The following NLK variants were observed in gnomAD, a reference collection of about 807,000 sequenced individuals.
The protein encoded by NLK is nemo like kinase, also known as serine/threonine-protein kinase NLK.
Under a neutral mutation model 59.0 loss-of-function variants are expected in NLK, and 11 were observed. That is an observed-to-expected ratio of 0.19 (90% CI 0.12 to 0.31). NLK has a LOEUF of 0.31. Ranked by LOEUF, NLK falls within the 10% of genes least tolerant of loss-of-function variation. The probability of loss-of-function intolerance (pLI) is 1.00; values close to 1 mark genes in which losing one functional copy is unlikely to be tolerated. For synonymous variants in NLK, 235 were observed against 235.9 expected (o/e 1.00, Z 0.03); for missense variants, 410 against 661.1 (o/e 0.62, Z 4.16).
chr17:28,091,477 A>T (rs921077908), intron 1 of NLK, among the ~76,000 whole-genome samples: 15 of 144,262 alleles, frequency 1.0e-4, no homozygotes, highest in African/African-American at 1.9e-4. Context: ...AATTATATTT[A>T]TATATATATA....
At chr17:28,190,764 G>A (rs902327701) in intron 8 of NLK, among the ~76,000 whole-genome samples, 1 of 152,086 alleles carries the variant, frequency 6.6e-6, no homozygotes, top group Non-Finnish European at 1.5e-5. Context: ...TTTCAATGTA[G>A]TAACTTCTTA....
At chr17:28,160,687 A>G (rs1014952146) in intron 3 of NLK, among the ~76,000 whole-genome samples, 5 of 152,208 alleles carry the variant, frequency 3.3e-5, no homozygotes, top group African/African-American at 4.8e-5. Flanking sequence ...ATTATTTTAC[A>G]TGTGTTTAGG....
At chr17:28,189,552 C>T (rs1046660762) in intron 8 of NLK, among the ~76,000 whole-genome samples, 1 of 152,030 alleles carries the variant, frequency 6.6e-6, no homozygotes, top group African/African-American at 2.4e-5. Flanking sequence ...AAGGATAAAC[C>T]GTTGAAGTTC....
chr17:28,194,579 C>A lies in NLK; in HGVS notation c.1530-3C>A. 6.3e-7 allele frequency: 1 copy of A among 1,593,278 alleles called. No individual in the cohort carries two copies. The highest frequency in any genetic ancestry group is 8.6e-7 in the Non-Finnish European group (1 of 1,164,182). On this transcript the variant is annotated splice_polypyrimidine_tract_variant and splice_region_variant and intron_variant, in intron 10 of 10. Transcript: ENST00000407008. ...TAATTTCTCCATCTCTGTTTTCTTC[C>A]AGTTCCACTGTTGCTCAGCCATCTG...
chr17:28,141,782 C>G (rs1207311608), intron 3 of NLK, among the ~76,000 whole-genome samples: 1 of 152,118 alleles, frequency 6.6e-6, no homozygotes, highest in Non-Finnish European at 1.5e-5. Flanking sequence ...GAAGAATTTG[C>G]CCTTTCTCTT....
chr17:28,090,520 T>G (rs562629961), intron 1 of NLK, among the ~76,000 whole-genome samples: 3 of 152,070 alleles, frequency 2.0e-5, no homozygotes, highest in African/African-American at 7.2e-5. Context: ...TTATTTTAAT[T>G]TTTTTTTAAT....
At chr17:28,110,990 G>A (rs1357908925) in intron 1 of NLK, among the ~76,000 whole-genome samples, 1 of 150,280 alleles carries the variant, frequency 6.7e-6, no homozygotes, top group Non-Finnish European at 1.5e-5. Flanking sequence ...GACTACAGGC[G>A]CCCGCCACTA....
intron 3 of NLK, among the ~76,000 whole-genome samples, chr17:28,139,795 G>A (rs1906910491): frequency 6.6e-6 from 1 of 152,134 alleles, no homozygotes; most frequent in South Asian, 2.1e-4. Flanking sequence ...AGTCCAATGG[G>A]CCAGGAGTGC....
At chr17:28,202,643 G>A in the NLK span, among the ~76,000 whole-genome samples, 2 of 151,538 alleles carry the variant, frequency 1.3e-5, no homozygotes, top group African/African-American at 4.9e-5. Flanking sequence ...CTATTTTCTG[G>A]AAGAGATTGT....
At chr17:28,057,299 G>A (rs1020052619) in intron 1 of NLK, among the ~76,000 whole-genome samples, 2 of 152,112 alleles carry the variant, frequency 1.3e-5, no homozygotes, top group African/African-American at 4.8e-5. Context: ...TGCGGAGGTT[G>A]GGTTATGATT....
downstream of NLK, among the ~76,000 whole-genome samples, chr17:28,200,935 T>A (rs1483448739): frequency 1.8e-4 from 28 of 152,234 alleles, no homozygotes; most frequent in Admixed American, 1.8e-3. Flanking sequence ...CCACAAGAGG[T>A]CTGATGATTC....
At chr17:28,072,966 T>G (rs964899585) in intron 1 of NLK, among the ~76,000 whole-genome samples, 2 of 152,160 alleles carry the variant, frequency 1.3e-5, no homozygotes, top group African/African-American at 4.8e-5. Flanking sequence ...TGTAAAATTG[T>G]GAGCCCATGA....
intron 1 of NLK, among the ~76,000 whole-genome samples, chr17:28,061,643 A>G (rs1909640891): frequency 1.3e-5 from 2 of 151,760 alleles, no homozygotes. Context: ...GAGGAGACAC[A>G]AAGAGGTCAT....
intron 8 of NLK, among the ~76,000 whole-genome samples, chr17:28,188,433 C>G (rs1256518519): frequency 6.6e-6 from 1 of 152,022 alleles, no homozygotes; most frequent in East Asian, 1.9e-4. Flanking sequence ...GAGGTTTGTT[C>G]TGATTTTAAC....
intron 6 of NLK, 38 bp from the exon 7 acceptor site, chr17:28,172,479 A>G (rs764177970): frequency 7.3e-6 from 10 of 1,378,850 alleles, no homozygotes; most frequent in Non-Finnish European, 8.8e-6. Flanking sequence ...AGTTATTTCC[A>G]TGAGATTACT....
At chr17:28,062,190 G>A (rs993154343) in intron 1 of NLK, 1 of 152,064 alleles carries the variant, frequency 6.6e-6, no homozygotes, top group South Asian at 2.1e-4. Flanking sequence ...GGAGCAGCCT[G>A]TTGGCATTTT....
chr17:28,170,639 C>T (rs1308841130), intron 6 of NLK, among the ~76,000 whole-genome samples: 1 of 152,146 alleles, frequency 6.6e-6, no homozygotes, highest in Non-Finnish European at 1.5e-5. Context: ...ACCTGTAAGA[C>T]TATCATATCT....
At chr17:28,083,654 A>G (rs1910420696) in intron 1 of NLK, among the ~76,000 whole-genome samples, 1 of 152,098 alleles carries the variant, frequency 6.6e-6, no homozygotes, top group Non-Finnish European at 1.5e-5. Context: ...GTTGGTTTAT[A>G]TGTTTGTTTT....
chr17:28,051,274 CTCAT>C (rs1909243639), intron 1 of NLK, among the ~76,000 whole-genome samples: 1 of 150,662 alleles, frequency 6.6e-6, no homozygotes, highest in Non-Finnish European at 1.5e-5. Context: ...TCTTCCAAAT[CTCAT>C]TTGTTTGTTT....
Sources: gnomAD v4.1 joint callset for allele counts (sites outside exome capture counted in the v4.1 genomes callset) on GRCh38, gnomAD v4.1.1 for gene constraint, MANE v1.5 for transcripts, NCBI Gene and HGNC (gene_info 2026-07-23, HGNC 2026-07-21) for gene names.